BIRC6: variants seen among roughly 807,000 people sequenced by gnomAD.
BIRC6 encodes dual E2 ubiquitin-conjugating enzyme/E3 ubiquitin-protein ligase BIRC6.
In BIRC6, 98 loss-of-function variants were observed where a neutral mutation model predicts 503.3. That is an observed-to-expected ratio of 0.19 (90% CI 0.17 to 0.23). BIRC6 has a LOEUF of 0.23. BIRC6 is among the 10% of genes least tolerant of loss of function. The probability of loss-of-function intolerance (pLI) is 1.00; values close to 1 mark genes in which losing one functional copy is unlikely to be tolerated. For synonymous variants in BIRC6, 2,240 were observed against 2,078.7 expected, an observed-to-expected ratio of 1.08 and a Z score of -2.11; for missense variants, 5,360 against 5,806.0, an observed-to-expected ratio of 0.92 and a Z score of 2.50.
Position 32,360,100 on chromosome 2 carries a change from A to T in BIRC6, c.325+2614A>T, listed in dbSNP as rs147854866. ...AATCCCTCTTTCCCGTTTATGGGCA[A>T]TGGGCCACTTTCTTTTCTACCACAG... On this transcript the variant is annotated intron_variant, in intron 1 of 73. Coordinates refer to ENST00000421745, the MANE Select transcript of BIRC6 (RefSeq NM_016252.4). 4.6e-5 allele frequency among the ~76,000 whole-genome samples: 7 copies of T among 152,264 alleles called. No individual in the cohort carries two copies. The East Asian group carries it at 1.4e-3, about 29-fold the overall frequency.
rs1172747818 is a variant in BIRC6, at chr2:32,479,486, C to T, written c.7277C>T (p.Ala2426Val). 1 of 1,602,918 alleles carries T rather than the reference C, an allele frequency of 6.2e-7. No homozygotes were observed. The highest frequency in any genetic ancestry group is 8.5e-7 in the Non-Finnish European group (1 of 1,174,358). Reference protein sequence around the residue: ...LAGELLAPVAAEAMEEGTVGD... With the variant: ...LAGELLAPVAVEAMEEGTVGD... ...GGAGAATTACTGGCTCCAGTAGCCGCAGAAGCCATGGAGGAAGGAACAGTG... is the reference window on the plus strand; with the variant it reads ...GGAGAATTACTGGCTCCAGTAGCCGTAGAAGCCATGGAGGAAGGAACAGTG... The change falls in exon 37 of 74, where the codon GCA becomes GTA. Residue 2426 changes from alanine (A) to valine (V), a missense_variant. Ala to Val is a moderately conservative substitution (Grantham distance 64). This residue lies in a region of BIRC6 where 2,299 missense variants were observed against 2,267.2 expected (regional missense o/e 1.01). Coordinates refer to ENST00000421745, the MANE Select transcript of BIRC6 (RefSeq NM_016252.4).
intron 11 of BIRC6, among the ~76,000 whole-genome samples, chr2:32,429,620 A>T (rs2043882609): frequency 6.6e-6 from 1 of 152,126 alleles, no homozygotes; most frequent in African/African-American, 2.4e-5. Flanking sequence ...GGATATATTT[A>T]GGTGGTATAT....
In BIRC6 at chr2:32,501,850, A is replaced by G. The variant is rs1361182631; in HGVS notation, c.9169A>G (p.Ile3057Val). The G allele has an allele frequency of 1.2e-6, 2 of 1,613,740 alleles. No individual in the cohort carries two copies. The highest frequency in any genetic ancestry group is 2.2e-5 in the East Asian group (1 of 44,874). ...TACAGTCCACATGATGCTGCAGCCA[A>G]TTTTAACATACATGGCCTGTGGATA... Reference protein sequence around the residue: ...ASTVHMMLQPILTYMACGYMG... With the variant: ...ASTVHMMLQPVLTYMACGYMG... The change falls in exon 47 of 74, where the codon ATT (isoleucine) becomes GTT (valine). Residue 3057 changes from isoleucine (I) to valine (V), a missense_variant. This residue lies in a region of BIRC6 where 267 missense variants were observed against 287.6 expected (regional missense o/e 0.93). Transcript: ENST00000421745.
chr2:32,561,535 C>T (rs927264669), intron 65 of BIRC6, among the ~76,000 whole-genome samples: 1 of 151,722 alleles, frequency 6.6e-6, no homozygotes, highest in Non-Finnish European at 1.5e-5. Flanking sequence ...CCACTGTGCC[C>T]GCTCATGAGT....
intron 45 of BIRC6, 78 bp downstream of exon 45, chr2:32,493,745 G>T (rs1217696632): frequency 9.0e-6 from 11 of 1,219,792 alleles, no homozygotes; most frequent in African/African-American, 3.0e-5. Flanking sequence ...TTTAACATTT[G>T]TTGGGAATTT....
chr2:32,447,281 C>T (rs1165045506), intron 21 of BIRC6, among the ~76,000 whole-genome samples: 5 of 146,672 alleles, frequency 3.4e-5, no homozygotes, highest in Non-Finnish European at 6.1e-5. Flanking sequence ...ACCTCCCAGA[C>T]GGGGTCGTGG....
chr2:32,498,615 TTTCGCTCTG>T (rs1173377768), intron 45 of BIRC6, among the ~76,000 whole-genome samples: 1 of 152,088 alleles, frequency 6.6e-6, no homozygotes, highest in East Asian at 1.9e-4. Context: ...TGAAATAGAC[TTTCGCTCTG>T]TCACCCAGGC....
chr2:32,516,747 A>G (rs991980076), intron 55 of BIRC6, among the ~76,000 whole-genome samples: 2 of 152,152 alleles, frequency 1.3e-5, no homozygotes, highest in African/African-American at 4.8e-5. Flanking sequence ...GAGTAATTCT[A>G]GTTGGCTTTT....
At chr2:32,547,787 T>C in intron 63 of BIRC6, 63 bp from the exon 64 acceptor site, 2 of 1,338,138 alleles carry the variant, frequency 1.5e-6, no homozygotes, top group South Asian at 1.7e-5. Flanking sequence ...TTCCCAGTGA[T>C]AAATATTTTT....
In BIRC6 at chr2:32,482,559, C is replaced by G; in HGVS notation, c.7673C>G (p.Thr2558Arg). 2 of 1,613,888 alleles carry G rather than the reference C, an allele frequency of 1.2e-6. No individual in the cohort carries two copies. The highest frequency in any genetic ancestry group is 2.2e-5 in the South Asian group (2 of 91,072). ...AACACGGAGAAGAACGGATCACAGA[C>G]AGTTAGCGTTTCAGTCTCTCAGGGT... ...PANTEKNGSQ[T>R]VSVSVSQALD... Residue 2558 changes from threonine to arginine, a missense_variant, in exon 39 of 74, where the codon ACA (threonine) becomes AGA (arginine). Around this residue, in one of 16 missense-constraint regions of BIRC6, gnomAD observed 2,299 missense variants for 2,267.2 expected, o/e 1.01. Transcript: ENST00000421745.
intron 35 of BIRC6, among the ~76,000 whole-genome samples, chr2:32,477,958 G>C (rs1236520023): frequency 1.3e-5 from 2 of 152,038 alleles, no homozygotes; most frequent in African/African-American, 2.4e-5. Flanking sequence ...GGTTTGAAAT[G>C]TAAGTAATGT....
chr2:32,611,333 GAATA>G, intron 72 of BIRC6, 111 bp from the exon 73 acceptor site: 1 of 558,532 alleles, frequency 1.8e-6, no homozygotes, highest in Non-Finnish European at 2.6e-6. Flanking sequence ...TGTATTTATA[GAATA>G]AATTATTTAA....
At chr2:32,499,413 ATTTG>A (rs1304586532) in intron 45 of BIRC6, 130 bp from the exon 46 acceptor site, 4 of 778,242 alleles carry the variant, frequency 5.1e-6, no homozygotes, top group Non-Finnish European at 7.7e-6. Flanking sequence ...AATATCAAGA[ATTTG>A]TTTAACTTTC....
At chr2:32,535,141 C>A (rs2057111782) in intron 61 of BIRC6, among the ~76,000 whole-genome samples, 2 of 62,914 alleles carry the variant, frequency 3.2e-5, no homozygotes, top group Admixed American at 2.1e-4. Context: ...CCTCATACCC[C>A]CAAAAAAGCA....
intron 45 of BIRC6, among the ~76,000 whole-genome samples, chr2:32,496,301 C>A (rs574146626): frequency 3.9e-5 from 6 of 152,034 alleles, no homozygotes; most frequent in Non-Finnish European, 7.4e-5. Flanking sequence ...TTCAGACTCA[C>A]TGCAACCTCC....
chr2:32,521,898 C>T (rs1049019691), intron 57 of BIRC6: 1 of 152,040 alleles, frequency 6.6e-6, no homozygotes, highest in Non-Finnish European at 1.5e-5. Flanking sequence ...CTTCACATTT[C>T]TTATGATTAG....
rs779560098 is a variant in BIRC6, at chr2:32,599,721, A to G, written c.13831-18A>G. The stretch of plus-strand genomic sequence containing the variant: ...TAGGAATGTTAACATAGACTTTTGT[A>G]TGTTTATATATATCCAGGTTCTAAT... On this transcript the variant is annotated intron_variant, in intron 69 of 73. Coordinates refer to ENST00000421745, the MANE Select transcript of BIRC6 (RefSeq NM_016252.4). The G allele has an allele frequency of 1.4e-5, 22 of 1,605,328 alleles. No individual in the cohort carries two copies. Among genetic ancestry groups the G allele is most frequent in the Non-Finnish European group, 1.8e-5 (21 of 1,173,598 alleles).
At chr2:32,603,353 C>T (rs916811166) in intron 71 of BIRC6, among the ~76,000 whole-genome samples, 6 of 152,070 alleles carry the variant, frequency 3.9e-5, no homozygotes, top group African/African-American at 9.7e-5. Flanking sequence ...CAGTGCCCAC[C>T]GTTACCTGTG....
chr2:32,394,829 A>G (rs1029130608), intron 5 of BIRC6, among the ~76,000 whole-genome samples: 1 of 152,012 alleles, frequency 6.6e-6, no homozygotes, highest in African/African-American at 2.4e-5. Context: ...TTAAAAGAGA[A>G]AGTTTTAAAG....
Sources: gnomAD v4.1 joint callset for allele counts (sites outside exome capture counted in the v4.1 genomes callset) on GRCh38, gnomAD v4.1.1 for gene constraint, gnomAD v4.1.1 regional missense constraint, MANE v1.5 for transcripts, NCBI Gene and HGNC (gene_info 2026-07-23, HGNC 2026-07-21) for gene names.